Variants in MTRF1L observed in about 807,000 individuals in gnomAD.
MTRF1L encodes the protein mitochondrial translation release factor 1 like, also known as peptide chain release factor 1-like, mitochondrial.
In MTRF1L, 29 loss-of-function variants were observed where a neutral mutation model predicts 40.0. The ratio of observed to expected loss-of-function variants is 0.73; its 90% CI spans 0.54 to 0.99. The LOEUF (loss-of-function observed/expected upper bound fraction) is 0.99, where lower values mean the gene tolerates loss of function less well. Ranked by LOEUF, MTRF1L falls within the 50% of genes least tolerant of loss-of-function variation. The probability of loss-of-function intolerance (pLI) is 0.00; values close to 1 mark genes in which losing one functional copy is unlikely to be tolerated. For synonymous variants in MTRF1L, 150 were observed against 175.8 expected, an observed-to-expected ratio of 0.85 and a Z score of 1.16; for missense variants, 412 against 464.5, an observed-to-expected ratio of 0.89 and a Z score of 1.04.
chr6:152,993,013 G>A lies in MTRF1L; in HGVS notation c.688-39C>T, dbSNP rs371271442. The A allele has an allele frequency of 4.7e-6, 7 of 1,503,066 alleles. No individual in the cohort carries two copies. The African/African-American group carries it at 9.6e-5, about 21-fold the overall frequency. The allele number at this position is 1,503,066 out of a possible 1,614,324, so 93.1% of individuals were successfully genotyped here. A position where few individuals can be genotyped will look rare whatever the true frequency, so the allele number is the denominator to read the frequency against. On this transcript the variant is annotated intron_variant, in intron 4 of 6. Coordinates refer to ENST00000367233, the MANE Select transcript of MTRF1L (RefSeq NM_019041.7). ...AAGTTGGGATTTTAAAAGATTACAT[G>A]TATCAACTTTATAAAGGCAAGAGCG... is the stretch of plus-strand genomic sequence containing the variant.
At chr6:153,002,328 G>A (rs1320823074) in intron 1 of MTRF1L, 99 bp downstream of exon 1, 1 of 1,568,570 alleles carries the variant, frequency 6.4e-7, no homozygotes, top group Non-Finnish European at 8.8e-7. Flanking sequence ...GGCTGCAAGT[G>A]AGTAAAGAGT....
intron 1 of MTRF1L, among the ~76,000 whole-genome samples, chr6:152,999,796 A>G (rs879339059): frequency 6.6e-6 from 1 of 152,354 alleles, no homozygotes; most frequent in East Asian, 1.9e-4. Context: ...CTGTTAGTCT[A>G]TTAAACCTCT....
At chr6:152,995,741 T>C (rs1778693079) in intron 2 of MTRF1L, among the ~76,000 whole-genome samples, 1 of 152,204 alleles carries the variant, frequency 6.6e-6, no homozygotes, top group Non-Finnish European at 1.5e-5. Context: ...CAAAACTACA[T>C]TTGTATTATT....
Position 153,002,655 on chromosome 6 carries a change from G to C in MTRF1L, c.31C>G (p.Arg11Gly), listed in dbSNP as rs761916948. MRSRVLWGAA[R>G]WLWPRRAVGP... ...ACGGCCCGGCGGGGCCAGAGCCACCGGGCAGCGCCCCACAGAACCCGGGAC... is the reference window on the plus strand; with the variant it reads ...ACGGCCCGGCGGGGCCAGAGCCACCCGGCAGCGCCCCACAGAACCCGGGAC... The change falls in exon 1 of 7, where the codon CGG (arginine) becomes GGG (glycine). Residue 11 changes from arginine to glycine, a missense_variant. Transcript: ENST00000367233. 6 of 1,504,714 alleles carry C rather than the reference G, an allele frequency of 4.0e-6. No individual in the cohort carries two copies. Among genetic ancestry groups the C allele is most frequent in the East Asian group, 4.9e-5 (2 of 40,642 alleles). 93.2% of individuals were successfully genotyped at this position (1,504,714 alleles called of 1,614,324 possible).
chr6:152,994,736 C>T (rs1252316719), intron 3 of MTRF1L, 60 bp from the exon 4 acceptor site: 2 of 1,578,432 alleles, frequency 1.3e-6, no homozygotes, highest in Admixed American at 1.7e-5. Context: ...AAATAATTGA[C>T]CATCACATCT....
chr6:152,992,105 A>G (rs1031420755), intron 5 of MTRF1L, among the ~76,000 whole-genome samples: 1 of 152,214 alleles, frequency 6.6e-6, no homozygotes, highest in Admixed American at 6.5e-5. Context: ...ATATTCTCAT[A>G]ATTTAAAAGA....
rs1382593439 is a variant in MTRF1L at position 152,998,614 on chromosome 6, A to T, written c.275T>A (p.Leu92Ter). 6.3e-7 allele frequency: 1 copy of T among 1,595,920 alleles called. No homozygotes were observed. Among genetic ancestry groups the T allele is most frequent in the African/African-American group, 1.4e-5 (1 of 73,920 alleles). The change falls in exon 2 of 7, where the codon TTA becomes TAA. Residue 92 changes from leucine to a stop codon, truncating the protein, a stop_gained. Transcript: ENST00000367233. LOFTEE classifies it high-confidence loss of function. ...EHLLHDENED[L>*]RKLAENEITL... ...GATTTCATTCTCTGCAAGTTTCCTTAAATCTTCATTCTCATCTAGGAAAAA... is the reference window on the plus strand; with the variant it reads ...GATTTCATTCTCTGCAAGTTTCCTTTAATCTTCATTCTCATCTAGGAAAAA...
At chr6:153,001,235 C>G (rs1461774812) in intron 1 of MTRF1L, among the ~76,000 whole-genome samples, 1 of 152,170 alleles carries the variant, frequency 6.6e-6, no homozygotes, top group African/African-American at 2.4e-5. Context: ...TTATCTACTT[C>G]AGGGTCACAA....
At chr6:153,000,468 G>A (rs1039119258) in intron 1 of MTRF1L, among the ~76,000 whole-genome samples, 9 of 152,178 alleles carry the variant, frequency 5.9e-5, no homozygotes, top group Admixed American at 2.0e-4. Context: ...AGAATTAGGA[G>A]TTACTCACAG....
At chr6:152,990,737 T>A (rs907719810) in intron 6 of MTRF1L, among the ~76,000 whole-genome samples, 1 of 152,080 alleles carries the variant, frequency 6.6e-6, no homozygotes, top group Non-Finnish European at 1.5e-5. Context: ...AGCAGGAGAA[T>A]TGCTTGAACC....
rs1462155276 is a variant in MTRF1L, at chr6:152,995,455, AACC to A, written c.340-139_340-137del. On this transcript the variant is annotated intron_variant, in intron 2 of 6. Coordinates refer to ENST00000367233, the MANE Select transcript of MTRF1L (RefSeq NM_019041.7). ...AATGTAATATTGCTGAGTACTGTTCAACCACCTTGCCAATTAGAACTGTATAAT... is the reference window on the plus strand; with the variant it reads ...AATGTAATATTGCTGAGTACTGTTCAACCTTGCCAATTAGAACTGTATAAT... 2.7e-5 allele frequency: 19 copies of A among 698,098 alleles called. No homozygotes were observed. The East Asian group carries it at 5.1e-4, about 19-fold the overall frequency. 43.2% of individuals were successfully genotyped at this position (698,098 alleles called of 1,614,324 possible). A position where few individuals can be genotyped will look rare whatever the true frequency, so the allele number is the denominator to read the frequency against.
At chr6:152,994,934 G>C (rs975703000) in intron 3 of MTRF1L, 17 of 705,662 alleles carry the variant, frequency 2.4e-5, no homozygotes, top group African/African-American at 3.6e-5. Context: ...TTAGCAATTT[G>C]ATGGTTAGTA....
At chr6:152,996,286 T>A (rs572999927) in intron 2 of MTRF1L, among the ~76,000 whole-genome samples, 2 of 152,326 alleles carry the variant, frequency 1.3e-5, no homozygotes, top group African/African-American at 4.8e-5. Flanking sequence ...CTATGCTAGT[T>A]ACTACTTTTC....
At position 152,988,198 on chromosome 6, in the gene MTRF1L, G is replaced by A. The variant is rs2129096060; in HGVS notation, c.*1697C>T. On this transcript the variant is annotated 3_prime_UTR_variant, in exon 7 of 7. Transcript: ENST00000367233. ...CTCACATACAGAAGGCAAGCTAGCAGGATGCTCCCCGAAACCTCTTTTATT... is the reference window on the plus strand; with the variant it reads ...CTCACATACAGAAGGCAAGCTAGCAAGATGCTCCCCGAAACCTCTTTTATT... 2 of 58,252 alleles carry A rather than the reference G, an allele frequency of 3.4e-5. 1 individual carries two copies. Among genetic ancestry groups the A allele is most frequent in the East Asian group, 6.4e-4 (2 of 3,142 alleles). The allele number at this position is 58,252 out of a possible 1,614,324, so 3.6% of individuals were successfully genotyped here.
At chr6:152,995,087 A>T (rs1340530473) in intron 3 of MTRF1L, 49 bp downstream of exon 3, 1 of 1,492,220 alleles carries the variant, frequency 6.7e-7, no homozygotes, top group Non-Finnish European at 9.0e-7. Context: ...GGTCTTTCCA[A>T]CTCTTTTCCT....
At chr6:152,993,030 G>T in intron 4 of MTRF1L, 56 bp from the exon 5 acceptor site, 1 of 1,335,718 alleles carries the variant, frequency 7.5e-7, no homozygotes, top group Non-Finnish European at 1.1e-6. Context: ...CTTTATAAAG[G>T]CAAGAGCGAC....
chr6:152,994,853 T>A, intron 3 of MTRF1L, 177 bp from the exon 4 acceptor site: 1 of 866,090 alleles, frequency 1.2e-6, no homozygotes, highest in Non-Finnish European at 1.8e-6. Context: ...TGCTTACAAG[T>A]ACTAAACAAA....
chr6:152,993,497 A>G (rs1334927493), intron 4 of MTRF1L, among the ~76,000 whole-genome samples: 1 of 152,158 alleles, frequency 6.6e-6, no homozygotes, highest in Admixed American at 6.5e-5. Context: ...GGTCAAGGTA[A>G]TGCTTTGTCC....
At chr6:153,002,075 C>T (rs2129102523) in intron 1 of MTRF1L, among the ~76,000 whole-genome samples, 1 of 152,378 alleles carries the variant, frequency 6.6e-6, no homozygotes, top group African/African-American at 2.4e-5. Flanking sequence ...TTAACAAGCA[C>T]TGCCCTGATA....
Sources: gnomAD v4.1 joint callset for allele counts (sites outside exome capture counted in the v4.1 genomes callset) on GRCh38, gnomAD v4.1.1 for gene constraint, MANE v1.5 for transcripts, NCBI Gene and HGNC (gene_info 2026-07-23, HGNC 2026-07-21) for gene names.